Variants in RASGRF1 observed in about 807,000 individuals in gnomAD.
RASGRF1 encodes the protein Ras protein specific guanine nucleotide releasing factor 1.
Under a neutral mutation model 138.7 loss-of-function variants are expected in RASGRF1, and 40 were observed. That is an observed-to-expected ratio of 0.29 (90% confidence interval 0.22 to 0.38). RASGRF1 has a LOEUF of 0.38. Among genes scored for constraint, RASGRF1 ranks in the 10% least tolerant of loss-of-function variants. The pLI is 1.00. For missense variants in RASGRF1, 1,108 were observed against 1,650.4 expected (o/e 0.67, Z 5.69); for synonymous variants, 614 against 663.2 (o/e 0.93, Z 1.14).
At position 78,998,708 on chromosome 15, in the gene RASGRF1, C is replaced by A; in HGVS notation, c.2853+11G>T. The A allele has an allele frequency of 1.2e-6, 2 of 1,607,492 alleles. No homozygotes were observed. Among genetic ancestry groups the A allele is most frequent in the Non-Finnish European group, 1.7e-6 (2 of 1,174,100 alleles). On this transcript the variant is annotated intron_variant, in intron 18 of 26. Coordinates refer to ENST00000558480, the MANE Select transcript of RASGRF1 (RefSeq NM_001145648.3). ...TCCCCAGCAGCCTGCCCAGGGAGGG[C>A]TCCCACCCACCTGAGAGTGCTTGGA...
chr15:78,974,734 T>A (rs1463367006), intron 24 of RASGRF1, among the ~76,000 whole-genome samples: 3 of 152,226 alleles, frequency 2.0e-5, no homozygotes, highest in Non-Finnish European at 2.9e-5. Flanking sequence ...TTTAGACAAA[T>A]AGCAACAGGT....
intron 12 of RASGRF1, among the ~76,000 whole-genome samples, chr15:79,016,850 G>A (rs941331467): frequency 1.6e-4 from 24 of 152,214 alleles, no homozygotes; most frequent in Admixed American, 1.6e-3. Flanking sequence ...TAGGTCCCAC[G>A]AAGATGCTGC....
At chr15:79,005,750 C>T in intron 14 of RASGRF1, 1 of 483,730 alleles carries the variant, frequency 2.1e-6, no homozygotes, top group Non-Finnish European at 2.6e-6. Flanking sequence ...TCCCTCCCTT[C>T]CTTCCTTCCT....
chr15:79,016,080 T>C (rs2056875033), intron 12 of RASGRF1, among the ~76,000 whole-genome samples: 1 of 152,190 alleles, frequency 6.6e-6, no homozygotes, highest in African/African-American at 2.4e-5. Flanking sequence ...AAACTGCATC[T>C]CTTGGGGGAG....
chr15:79,027,447 G>A lies in RASGRF1; in HGVS notation c.1381+294C>T, dbSNP rs186950123. Among the ~76,000 whole-genome samples the A allele has an allele frequency of 2.0e-5, 3 of 152,240 alleles. No homozygotes were observed. The highest frequency in any genetic ancestry group is 4.2e-4 in the South Asian group (2 of 4,806). ...ACTTTCTCCCCAAAAAGGACATGTC[G>A]ATGTTTACTATGACATACAATAGAC... On this transcript the variant is annotated intron_variant, in intron 9 of 26. Coordinates refer to ENST00000558480, the MANE Select transcript of RASGRF1 (RefSeq NM_001145648.3). This position sits in a 1 kb window ranked among gnomAD's most constrained non-coding sequence, Gnocchi z 4.8.
chr15:79,018,328 AG>A (rs1385127816), intron 11 of RASGRF1, among the ~76,000 whole-genome samples: 1 of 152,246 alleles, frequency 6.6e-6, no homozygotes, highest in African/African-American at 2.4e-5. Flanking sequence ...AGGAACTTCA[AG>A]GTCTTAAACT....
At chr15:79,080,537 T>G (rs2057900719) in intron 1 of RASGRF1, among the ~76,000 whole-genome samples, 1 of 152,232 alleles carries the variant, frequency 6.6e-6, no homozygotes, top group South Asian at 2.1e-4. Flanking sequence ...CAGGAAAAGT[T>G]CATCTTGATC....
Position 79,090,567 on chromosome 15 carries a change from C to T in RASGRF1, c.-69G>A. On this transcript the variant is annotated 5_prime_UTR_variant, in exon 1 of 27. Transcript: ENST00000558480. ...CGCGCAGCAGCCCCCCGTCCGTGCGCGCTGCGCGCTGCCTCTCTCTGGCGC... is the reference window on the plus strand; with the variant it reads ...CGCGCAGCAGCCCCCCGTCCGTGCGTGCTGCGCGCTGCCTCTCTCTGGCGC... 1.9e-6 allele frequency: 3 copies of T among 1,561,754 alleles called. No individual in the cohort carries two copies. Among genetic ancestry groups the T allele is most frequent in the South Asian group, 1.2e-5 (1 of 85,040 alleles).
intron 12 of RASGRF1, 43 bp from the exon 13 acceptor site, chr15:79,015,452 C>G: frequency 1.9e-6 from 3 of 1,559,590 alleles, no homozygotes; most frequent in Non-Finnish European, 2.7e-6. Flanking sequence ...CTCTCCATTC[C>G]TGGACCCAGG....
intron 1 of RASGRF1, among the ~76,000 whole-genome samples, chr15:79,081,457 A>G (rs1173359111): frequency 6.6e-6 from 1 of 152,122 alleles, no homozygotes; most frequent in African/African-American, 2.4e-5. Context: ...CACAGATCGG[A>G]GCAGCCCCTT....
At chr15:79,012,717 C>T (rs1353737417) in intron 13 of RASGRF1, among the ~76,000 whole-genome samples, 1 of 152,196 alleles carries the variant, frequency 6.6e-6, no homozygotes, top group Admixed American at 6.5e-5. Context: ...GAGTTTCACT[C>T]TGTCACCCAG....
intron 1 of RASGRF1, among the ~76,000 whole-genome samples, chr15:79,074,521 G>C (rs2057806254): frequency 6.6e-6 from 1 of 152,222 alleles, no homozygotes; most frequent in Middle Eastern, 3.2e-3. Flanking sequence ...AGCTTCACCT[G>C]GGCGGGAGGC....
chr15:79,004,212 T>C (rs763762618), intron 14 of RASGRF1, 37 bp from the exon 15 acceptor site: 2 of 1,519,170 alleles, frequency 1.3e-6, no homozygotes, highest in Non-Finnish European at 1.8e-6. Flanking sequence ...ACAGTTAGCG[T>C]AGGCCTGCCT....
At chr15:79,053,399 C>T (rs541899430) in intron 3 of RASGRF1, among the ~76,000 whole-genome samples, 2 of 152,238 alleles carry the variant, frequency 1.3e-5, no homozygotes, top group Non-Finnish European at 2.9e-5. Flanking sequence ...CAGCCACCTG[C>T]AAACTCCTAT....
At chr15:79,004,493 C>T (rs2056628281) in intron 14 of RASGRF1, among the ~76,000 whole-genome samples, 1 of 152,106 alleles carries the variant, frequency 6.6e-6, no homozygotes, top group South Asian at 2.1e-4. Context: ...GTGCAAAACC[C>T]CCCTCCATCC....
intron 24 of RASGRF1, among the ~76,000 whole-genome samples, chr15:78,975,778 C>G (rs2055858721): frequency 2.6e-5 from 4 of 152,150 alleles, no homozygotes. Flanking sequence ...CCTCAGCTTC[C>G]CAAAGTGCTC....
chr15:79,074,836 C>A (rs533001602), intron 1 of RASGRF1, among the ~76,000 whole-genome samples: 31 of 152,320 alleles, frequency 2.0e-4, no homozygotes, highest in African/African-American at 7.0e-4. Flanking sequence ...GAGATGGGCC[C>A]AGAGCTCCAC....
intron 1 of RASGRF1, among the ~76,000 whole-genome samples, chr15:79,066,737 C>G (rs988595129): frequency 6.6e-6 from 1 of 152,212 alleles, no homozygotes; most frequent in Non-Finnish European, 1.5e-5. Context: ...TGCTGGAAAC[C>G]TAACTGTGAG....
chr15:79,053,310 C>T (rs1291235361), intron 3 of RASGRF1, among the ~76,000 whole-genome samples: 1 of 152,126 alleles, frequency 6.6e-6, no homozygotes, highest in African/African-American at 2.4e-5. Context: ...TCATTTTGAA[C>T]CTTAGGGTAA....
Sources: allele counts gnomAD v4.1 joint callset (sites outside exome capture counted in the v4.1 genomes callset), GRCh38; gene constraint gnomAD v4.1.1; non-coding constraint Gnocchi (gnomAD v3.1); transcripts MANE v1.5; gene names NCBI Gene and HGNC (gene_info 2026-07-23, HGNC 2026-07-21).